DNER: variants seen among roughly 807,000 people sequenced by gnomAD.
DNER encodes delta and Notch-like epidermal growth factor-related receptor.
A neutral mutation model predicts 78.2 loss-of-function variants in DNER; 33 were observed. The observed-to-expected ratio is 0.42, with a 90% CI of 0.32 to 0.56. DNER has a LOEUF of 0.56. Among genes scored for constraint, DNER ranks in the 20% least tolerant of loss-of-function variants. The pLI is 0.11. For synonymous variants in DNER, 417 were observed against 384.8 expected (o/e 1.08, Z -0.98); for missense variants, 918 against 975.3 (o/e 0.94, Z 0.78).
At chr2:229,436,877 C>T (rs956911788) in intron 8 of DNER, among the ~76,000 whole-genome samples, 1 of 152,148 alleles carries the variant, frequency 6.6e-6, no homozygotes, top group Admixed American at 6.5e-5. Context: ...CACTATAAAG[C>T]GGTCACACAA....
At chr2:229,607,096 A>G (rs140736938) in intron 1 of DNER, among the ~76,000 whole-genome samples, 1 of 152,336 alleles carries the variant, frequency 6.6e-6, no homozygotes, top group East Asian at 1.9e-4. Context: ...GGAACTGTGG[A>G]TAAACGGTCA....
At chr2:229,551,556 C>T (rs189084871) in intron 4 of DNER, among the ~76,000 whole-genome samples, 81 of 152,126 alleles carry the variant, frequency 5.3e-4, no homozygotes, top group African/African-American at 1.7e-3. Flanking sequence ...ATCACTTGAA[C>T]GCAGGAGGCA....
At chr2:229,600,185 G>A (rs1437778213) in intron 1 of DNER, among the ~76,000 whole-genome samples, 1 of 151,826 alleles carries the variant, frequency 6.6e-6, no homozygotes, top group Non-Finnish European at 1.5e-5. Flanking sequence ...ACAACCACAG[G>A]CCAAATCTGG....
At chr2:229,659,067 C>G (rs1698961265) in intron 1 of DNER, among the ~76,000 whole-genome samples, 1 of 152,010 alleles carries the variant, frequency 6.6e-6, no homozygotes, top group African/African-American at 2.4e-5. Flanking sequence ...TCTGCAGCAC[C>G]CAGAACTGGC....
Position 229,684,064 on chromosome 2 carries a change from C to T in DNER, c.276+30084G>A, listed in dbSNP as rs536951605. Among the ~76,000 whole-genome samples, 3 of 149,912 alleles carry T rather than the reference C, an allele frequency of 2.0e-5. No homozygotes were observed. The South Asian group carries it at 6.3e-4, about 32-fold the overall frequency. On this transcript the variant is annotated intron_variant, in intron 1 of 12. Coordinates refer to ENST00000341772, the MANE Select transcript of DNER (RefSeq NM_139072.4). Reference sequence around the variant, plus strand: ...TGAAAAGTGCAATGGTAACCATTTTCCAGATGCTGCTGAGAACAGGAGATA... The same window carrying T: ...TGAAAAGTGCAATGGTAACCATTTTTCAGATGCTGCTGAGAACAGGAGATA...
intron 1 of DNER, among the ~76,000 whole-genome samples, chr2:229,627,891 C>T (rs1861618): frequency 0.77 from 116,966 of 152,054 alleles, 45,483 homozygotes; most frequent in Non-Finnish European, 0.81. Flanking sequence ...AGGCAGCAGG[C>T]GGTATTTTCC....
chr2:229,707,613 G>A (rs1179029024), intron 1 of DNER, among the ~76,000 whole-genome samples: 1 of 152,232 alleles, frequency 6.6e-6, no homozygotes, highest in African/African-American at 2.4e-5. Flanking sequence ...AGAGCCTACT[G>A]TATGTAGCCC....
chr2:229,693,873 T>A (rs1699621042), intron 1 of DNER, among the ~76,000 whole-genome samples: 1 of 152,178 alleles, frequency 6.6e-6, no homozygotes, highest in African/African-American at 2.4e-5. Flanking sequence ...TTTGCATAAG[T>A]AACAAAGAGC....
intron 8 of DNER, among the ~76,000 whole-genome samples, chr2:229,433,503 A>G (rs909626155): frequency 2.6e-5 from 4 of 152,050 alleles, no homozygotes; most frequent in Non-Finnish European, 5.9e-5. Flanking sequence ...AATGAGGGAA[A>G]GTAATAAGGA....
rs536884878 is a variant in DNER at position 229,523,289 on chromosome 2, G to A, written c.994-10353C>T. 2.6e-5 allele frequency among the ~76,000 whole-genome samples: 4 copies of A among 152,266 alleles called. No individual in the cohort carries two copies. In the South Asian group the frequency reaches 6.2e-4, roughly 24 times the overall value. Reference sequence around the variant, plus strand: ...TTTCTTTCCTACTCTTTCTGTATTCGTTTGCTAGGGCTGCCGTAACGAAGT... The same window carrying A: ...TTTCTTTCCTACTCTTTCTGTATTCATTTGCTAGGGCTGCCGTAACGAAGT... On this transcript the variant is annotated intron_variant, in intron 5 of 12. Coordinates refer to ENST00000341772, the MANE Select transcript of DNER (RefSeq NM_139072.4).
chr2:229,629,612 G>A (rs906155802), intron 1 of DNER, among the ~76,000 whole-genome samples: 6 of 152,186 alleles, frequency 3.9e-5, no homozygotes, highest in African/African-American at 1.4e-4. Context: ...GGGGCTTCCA[G>A]TCATCCCAAA....
At chr2:229,505,831 A>G (rs1310050739) in intron 6 of DNER, among the ~76,000 whole-genome samples, 1 of 152,244 alleles carries the variant, frequency 6.6e-6, no homozygotes, top group Non-Finnish European at 1.5e-5. Flanking sequence ...GCACAAAGGC[A>G]CCTATATCTA....
Position 229,710,953 on chromosome 2 carries a change from C to G in DNER, c.276+3195G>C, listed in dbSNP as rs115813061. ...CACCCACTCAAAATTTGGTTTGGAC[C>G]CTGAGACTGAAAATGGCATGCATAC... On this transcript the variant is annotated intron_variant, in intron 1 of 12. Coordinates refer to ENST00000341772, the MANE Select transcript of DNER (RefSeq NM_139072.4). Among the ~76,000 whole-genome samples, 1,110 of 146,944 alleles carry G rather than the reference C, an allele frequency of 7.6e-3. 8 individuals are homozygous for G. The highest frequency in any genetic ancestry group is 0.051 in the Middle Eastern group (15 of 292).
In DNER at chr2:229,477,255, T is replaced by C. The variant is rs778691728; in HGVS notation, c.1148-2A>G. The C allele has an allele frequency of 6.2e-7, 1 of 1,600,750 alleles. No homozygotes were observed. Among genetic ancestry groups the C allele is most frequent in the South Asian group, 1.1e-5 (1 of 89,408 alleles). On this transcript the variant is annotated splice_acceptor_variant, in intron 6 of 12. Transcript: ENST00000341772. LOFTEE classifies it high-confidence loss of function. ...ACTGGCAAAGCTCTCCAGTATAACC[T>C]GAATAAAACAAAATGTACATTTTAT...
intron 10 of DNER, among the ~76,000 whole-genome samples, chr2:229,405,609 A>G (rs1391219481): frequency 6.6e-6 from 1 of 152,194 alleles, no homozygotes; most frequent in African/African-American, 2.4e-5. Context: ...AAACACATTT[A>G]TGATATACAT....
intron 7 of DNER, among the ~76,000 whole-genome samples, chr2:229,474,356 A>G (rs1694988959): frequency 6.6e-6 from 1 of 152,212 alleles, no homozygotes; most frequent in African/African-American, 2.4e-5. Flanking sequence ...GCTGCCACAC[A>G]TTCCAGCAAA....
At chr2:229,378,799 C>T (rs965262120) in intron 11 of DNER, among the ~76,000 whole-genome samples, 2 of 152,144 alleles carry the variant, frequency 1.3e-5, no homozygotes, top group African/African-American at 4.8e-5. Context: ...TTACAGCTTC[C>T]CTGCCCACCA....
chr2:229,614,069 C>G (rs1698105689), intron 1 of DNER, among the ~76,000 whole-genome samples: 1 of 151,272 alleles, frequency 6.6e-6, no homozygotes, highest in Non-Finnish European at 1.5e-5. Context: ...GGAGATATAC[C>G]TAATGCTAAA....
At chr2:229,710,799 G>C (rs1040959878) in intron 1 of DNER, among the ~76,000 whole-genome samples, 3 of 152,062 alleles carry the variant, frequency 2.0e-5, no homozygotes, top group Non-Finnish European at 2.9e-5. Flanking sequence ...TTAAGGTAAT[G>C]AGCATTTGAA....
Sources: allele counts gnomAD v4.1 joint callset (sites outside exome capture counted in the v4.1 genomes callset), GRCh38; gene constraint gnomAD v4.1.1; transcripts MANE v1.5; gene names NCBI Gene and HGNC (gene_info 2026-07-23, HGNC 2026-07-21).